Variants in RNF152 observed in about 807,000 individuals in gnomAD.
RNF152 encodes the protein E3 ubiquitin-protein ligase RNF152.
RNF152 carries 11 observed loss-of-function variants against 12.7 expected under a neutral mutation model. The ratio of observed to expected loss-of-function variants is 0.86; its 90% CI spans 0.54 to 1.43. The LOEUF is 1.43. Ranked by LOEUF, RNF152 falls within the 40% of genes most tolerant of loss-of-function variation. RNF152 has a pLI of 0.00. For synonymous variants in RNF152, 113 were observed against 120.3 expected (o/e 0.94, Z 0.40); for missense variants, 255 against 274.8 (o/e 0.93, Z 0.51).
chr18:61,839,054 CAA>C (rs35125130), intron 1 of RNF152, among the ~76,000 whole-genome samples: 16,317 of 127,646 alleles, frequency 0.13, 894 homozygotes, highest in Non-Finnish European at 0.14. Context: ...ACTCTGTGGC[CAA>C]AAAAAAAAAA....
At chr18:61,827,350 T>C (rs1268526185) in intron 1 of RNF152, among the ~76,000 whole-genome samples, 2 of 152,146 alleles carry the variant, frequency 1.3e-5, no homozygotes, top group Admixed American at 6.5e-5. Flanking sequence ...AGAACATGTA[T>C]GATTTCAGAC....
intron 1 of RNF152, among the ~76,000 whole-genome samples, chr18:61,867,621 G>A (rs907870645): frequency 2.0e-5 from 3 of 152,070 alleles, no homozygotes; most frequent in Admixed American, 6.5e-5. Context: ...TGATGAAACT[G>A]TTATGGCAAC....
rs759679637 is a variant in RNF152 at position 61,816,046 on chromosome 18, G to A, written c.418C>T (p.Gln140Ter). The A allele has an allele frequency of 6.2e-7, 1 of 1,614,222 alleles. No individual in the cohort carries two copies. The highest frequency in any genetic ancestry group is 2.2e-5 in the East Asian group (1 of 44,874). Residue 140 changes from glutamine to a stop codon, truncating the protein, a stop_gained, in exon 2 of 2, where the codon CAG (glutamine) becomes TAG (stop). Coordinates refer to ENST00000312828, the MANE Select transcript of RNF152 (RefSeq NM_173557.3). LOFTEE classifies it high-confidence loss of function. Reference protein sequence around the residue: ...VTVVTIPAEQQPLQGGAPQEA... With the variant: ...VTVVTIPAEQ ...TGGGGAGCCCCACCTTGCAGAGGCTGCTGTTCAGCAGGGATGGTCACCACG... is the reference window on the plus strand; with the variant it reads ...TGGGGAGCCCCACCTTGCAGAGGCTACTGTTCAGCAGGGATGGTCACCACG...
At position 61,891,313 on chromosome 18, in the gene RNF152, T is replaced by C. The variant is rs955670471; in HGVS notation, c.-136+1482A>G. On this transcript the variant is annotated intron_variant, in intron 1 of 1. Transcript: ENST00000312828. ...TTATGATTTATTACTGTACACAATTTAAAACCACAATGAAACCTAACACTG... is the reference window on the plus strand; with the variant it reads ...TTATGATTTATTACTGTACACAATTCAAAACCACAATGAAACCTAACACTG... 4.6e-5 allele frequency among the ~76,000 whole-genome samples: 7 copies of C among 152,326 alleles called. No homozygotes were observed. The Middle Eastern group carries it at 0.01, about 222-fold the overall frequency.
At chr18:61,887,164 G>GAA (rs1167606354) in intron 1 of RNF152, among the ~76,000 whole-genome samples, 1 of 152,168 alleles carries the variant, frequency 6.6e-6, no homozygotes, top group African/African-American at 2.4e-5. Flanking sequence ...TCAACCTGGG[G>GAA]AAAACTTGAA....
At chr18:61,854,101 T>C (rs185961480) in intron 1 of RNF152, among the ~76,000 whole-genome samples, 85 of 152,252 alleles carry the variant, frequency 5.6e-4, no homozygotes, top group African/African-American at 2.0e-3. Flanking sequence ...GCTTATTGAC[T>C]CCCCGTGACA....
chr18:61,811,250 C>T lies in RNF152; in HGVS notation c.*4602G>A, dbSNP rs1388352833. The T allele has an allele frequency of 1.3e-5, 2 of 152,112 alleles. No individual in the cohort carries two copies. Among genetic ancestry groups the T allele is most frequent in the Non-Finnish European group, 2.9e-5 (2 of 68,024 alleles). The allele number at this position is 152,112 out of a possible 1,614,324, so 9.4% of individuals were successfully genotyped here. Reference sequence around the variant, plus strand: ...GTTTTCAAATAAAGGGATGGGAACTCTTAAAATCAAAATCTAGACTGGAAT... The same window carrying T: ...GTTTTCAAATAAAGGGATGGGAACTTTTAAAATCAAAATCTAGACTGGAAT... On this transcript the variant is annotated 3_prime_UTR_variant, in exon 2 of 2. Transcript: ENST00000312828.
At chr18:61,862,445 A>C (rs1911529128) in intron 1 of RNF152, among the ~76,000 whole-genome samples, 1 of 152,234 alleles carries the variant, frequency 6.6e-6, no homozygotes, top group Non-Finnish European at 1.5e-5. Context: ...GCTTTCAAAA[A>C]GGTGGGAGGG....
At chr18:61,841,018 A>G (rs1192976067) in intron 1 of RNF152, among the ~76,000 whole-genome samples, 1 of 152,192 alleles carries the variant, frequency 6.6e-6, no homozygotes, top group African/African-American at 2.4e-5. Context: ...TCTGGTTCCT[A>G]CCACCTACTG....
chr18:61,809,135 A>T lies in RNF152; in HGVS notation c.*6717T>A, dbSNP rs191155446. The T allele has an allele frequency of 3.9e-5, 6 of 152,240 alleles. No homozygotes were observed. The highest frequency in any genetic ancestry group is 1.4e-4 in the African/African-American group (6 of 41,534). 9.4% of individuals were successfully genotyped at this position (152,240 alleles called of 1,614,324 possible). Reference sequence around the variant, plus strand: ...TTGCAGCTATACTCTTCCTTTATTAAGTATTTTCTCCCTCTTTGGGTATAT... The same window carrying T: ...TTGCAGCTATACTCTTCCTTTATTATGTATTTTCTCCCTCTTTGGGTATAT... On this transcript the variant is annotated 3_prime_UTR_variant, in exon 2 of 2. Coordinates refer to ENST00000312828, the MANE Select transcript of RNF152 (RefSeq NM_173557.3).
At chr18:61,855,422 G>A (rs62096305) in intron 1 of RNF152, among the ~76,000 whole-genome samples, 15 of 152,372 alleles carry the variant, frequency 9.8e-5, no homozygotes, top group African/African-American at 2.4e-4. Context: ...AGGACTGTGC[G>A]TTCCATAGCC....
intron 1 of RNF152, among the ~76,000 whole-genome samples, chr18:61,819,142 A>G (rs1038690503): frequency 2.0e-5 from 3 of 152,252 alleles, no homozygotes; most frequent in African/African-American, 4.8e-5. Context: ...AACTTACAGA[A>G]GTCTTCTCTA....
At chr18:61,853,453 C>A (rs977469961) in intron 1 of RNF152, among the ~76,000 whole-genome samples, 1 of 152,098 alleles carries the variant, frequency 6.6e-6, no homozygotes, top group African/African-American at 2.4e-5. Context: ...CCAGGCCCAG[C>A]TAATTTTTTT....
At chr18:61,822,780 T>TTAAATTCAATG (rs1388205466) in intron 1 of RNF152, among the ~76,000 whole-genome samples, 1 of 152,240 alleles carries the variant, frequency 6.6e-6, no homozygotes, top group African/African-American at 2.4e-5. Flanking sequence ...TATGAGGACC[T>TTAAATTCAATG]TAAATTCAAT....
At chr18:61,880,431 G>A (rs1912410051) in intron 1 of RNF152, among the ~76,000 whole-genome samples, 1 of 152,164 alleles carries the variant, frequency 6.6e-6, no homozygotes, top group Non-Finnish European at 1.5e-5. Context: ...ACTGCCCAGG[G>A]TCACATATCC....
rs546546277 is a variant in RNF152 at position 61,880,008 on chromosome 18, G to A, written c.-136+12787C>T. On this transcript the variant is annotated intron_variant, in intron 1 of 1. Coordinates refer to ENST00000312828, the MANE Select transcript of RNF152 (RefSeq NM_173557.3). ...TTTTTTTGTGCACAGCTTTTTAGTA[G>A]TGTATTCCGAAAAATCCTAAGCTCC... Among the ~76,000 whole-genome samples, 4 of 151,842 alleles carry A rather than the reference G, an allele frequency of 2.6e-5. No homozygotes were observed. In the East Asian group the frequency reaches 7.8e-4, roughly 29 times the overall value.
At chr18:61,879,820 C>G (rs1912382478) in intron 1 of RNF152, among the ~76,000 whole-genome samples, 1 of 151,964 alleles carries the variant, frequency 6.6e-6, no homozygotes, top group Admixed American at 6.6e-5. Flanking sequence ...ACAAAATTAG[C>G]CAGGTGTGGT....
Position 61,816,063 on chromosome 18 carries a change from G to T in RNF152, c.401C>A (p.Thr134Asn). The T allele has an allele frequency of 6.2e-7, 1 of 1,614,224 alleles. No individual in the cohort carries two copies. The highest frequency in any genetic ancestry group is 8.5e-7 in the Non-Finnish European group (1 of 1,180,050). ...CAGAGGCTGCTGTTCAGCAGGGATG[G>T]TCACCACGGTGACGGACTTCTGCTG... Reference protein sequence around the residue: ...GSQQKSVTVVTIPAEQQPLQG... With the variant: ...GSQQKSVTVVNIPAEQQPLQG... Residue 134 changes from threonine to asparagine, a missense_variant, in exon 2 of 2, where the codon ACC (threonine) becomes AAC (asparagine). Physicochemically the swap from Thr to Asn is moderately conservative, Grantham distance 65. Transcript: ENST00000312828.
chr18:61,868,064 C>T (rs1457124594), intron 1 of RNF152, among the ~76,000 whole-genome samples: 1 of 152,194 alleles, frequency 6.6e-6, no homozygotes, highest in Non-Finnish European at 1.5e-5. Flanking sequence ...AGAAAGCTGT[C>T]TGAGGAGATT....
Sources: gnomAD v4.1 joint callset for allele counts (sites outside exome capture counted in the v4.1 genomes callset) on GRCh38, gnomAD v4.1.1 for gene constraint, MANE v1.5 for transcripts, NCBI Gene and HGNC (gene_info 2026-07-23, HGNC 2026-07-21) for gene names.